STK17A: variants seen among roughly 807,000 people sequenced by gnomAD.
STK17A encodes serine/threonine-protein kinase 17A.
In STK17A, 26 loss-of-function variants were observed where a neutral mutation model predicts 43.7. The observed-to-expected ratio is 0.60, with a 90% CI of 0.44 to 0.83. STK17A has a LOEUF of 0.83. Among genes scored for constraint, STK17A ranks in the 40% least tolerant of loss-of-function variants. The pLI, the probability that STK17A is intolerant of heterozygous loss-of-function variation, is 0.00. For synonymous variants in STK17A, 191 were observed against 182.5 expected, an observed-to-expected ratio of 1.05 and a Z score of -0.38; for missense variants, 476 against 511.6, an observed-to-expected ratio of 0.93 and a Z score of 0.67.
chr7:43,583,605 C>G (rs1200002434), intron 1 of STK17A, among the ~76,000 whole-genome samples, 156 bp downstream of exon 1: 2 of 152,186 alleles, frequency 1.3e-5, no homozygotes, highest in East Asian at 3.9e-4. Flanking sequence ...GTGCCGACGG[C>G]AAGTAGGGCA....
intron 1 of STK17A, among the ~76,000 whole-genome samples, chr7:43,592,985 T>C (rs1195247284): frequency 1.3e-5 from 2 of 152,226 alleles, no homozygotes; most frequent in African/African-American, 4.8e-5. Context: ...ATGGATATAT[T>C]GGGTCATGGT....
rs949511666 is a variant in STK17A at position 43,624,969 on chromosome 7, C to T, written c.*127C>T. The stretch of plus-strand genomic sequence containing the variant: ...GTATCACTTACACAAACAAAAATAA[C>T]TTTGTCAAATTTGTGGAGTTAGGTG... On this transcript the variant is annotated 3_prime_UTR_variant, in exon 7 of 7. Coordinates refer to ENST00000319357, the MANE Select transcript of STK17A (RefSeq NM_004760.3). 1.3e-5 allele frequency: 12 copies of T among 915,790 alleles called. No individual in the cohort carries two copies. In the Admixed American group the frequency reaches 1.4e-4, roughly 10 times the overall value. The allele number at this position is 915,790 out of a possible 1,614,324, so 56.7% of individuals were successfully genotyped here.
intron 4 of STK17A, among the ~76,000 whole-genome samples, chr7:43,620,110 G>T (rs903194471): frequency 1.3e-5 from 2 of 152,190 alleles, no homozygotes; most frequent in African/African-American, 4.8e-5. Context: ...AGGCTCCATA[G>T]AAGTGTGGAG....
chr7:43,617,409 G>A (rs2083453014), intron 3 of STK17A, among the ~76,000 whole-genome samples: 1 of 152,200 alleles, frequency 6.6e-6, no homozygotes, highest in Non-Finnish European at 1.5e-5. Flanking sequence ...TAGATGGAGA[G>A]AAATAGGCAA....
intron 3 of STK17A, among the ~76,000 whole-genome samples, chr7:43,611,073 C>T (rs1434398115): frequency 2.0e-5 from 3 of 152,110 alleles, no homozygotes; most frequent in East Asian, 1.9e-4. Context: ...GCCGAGATTG[C>T]GCCACTGCAC....
In STK17A at chr7:43,608,580, CAT is replaced by C. The variant is rs1238226259; in HGVS notation, c.564+181_564+182del. The C allele has an allele frequency of 1.0e-4, 60 of 590,096 alleles. 1 individual carries two copies. Among genetic ancestry groups the C allele is most frequent in the East Asian group, 8.0e-4 (26 of 32,610 alleles). 36.6% of individuals were successfully genotyped at this position (590,096 alleles called of 1,614,324 possible). On this transcript the variant is annotated intron_variant, in intron 3 of 6. Transcript: ENST00000319357. Reference sequence around the variant, plus strand: ...AGTTTTATCAGGGAGATAATGCACACATGTGTACATGGAAAGATACAAAATAA... The same window carrying C: ...AGTTTTATCAGGGAGATAATGCACACGTGTACATGGAAAGATACAAAATAA...
chr7:43,583,272 G>T lies in STK17A; in HGVS notation c.29G>T (p.Gly10Val), dbSNP rs775932894. MIPLEKPGS[G>V]GSSPGATSGS... ...ATCCCTTTGGAGAAGCCAGGCAGCG[G>T]CGGCTCCTCCCCAGGCGCCACCTCA... Residue 10 changes from glycine (G) to valine (V), a missense_variant, in exon 1 of 7, where the codon GGC (glycine) becomes GTC (valine). Around this residue, in one of 3 missense-constraint regions of STK17A, gnomAD observed 320 missense variants for 326.3 expected, o/e 0.98. Transcript: ENST00000319357. The T allele has an allele frequency of 7.1e-6, 11 of 1,545,248 alleles. No homozygotes were observed. The African/African-American group carries it at 1.3e-4, about 18-fold the overall frequency.
rs56286238 is a variant in STK17A, at chr7:43,596,072, A to C, written c.378A>C (p.Glu126Asp). ...ATCCTTGGGTCATTAATTTACATGA[A>C]GTTTATGAGACTGCATCAGAAATGA... ...QDNPWVINLH[E>D]VYETASEMIL... Residue 126 changes from glutamate (E) to aspartate (D), a missense_variant, in exon 2 of 7, where the codon GAA becomes GAC. Glu to Asp is a conservative substitution (Grantham distance 45). Transcript: ENST00000319357. 1.6e-3 allele frequency: 2,505 copies of C among 1,613,126 alleles called. 53 individuals are homozygous for C. The East Asian group carries it at 0.041, about 26-fold the overall frequency.
intron 1 of STK17A, among the ~76,000 whole-genome samples, chr7:43,584,660 T>C (rs1379683764): frequency 2.6e-5 from 4 of 152,120 alleles, no homozygotes; most frequent in African/African-American, 9.7e-5. Context: ...CTTTTGGAAA[T>C]AGTTTTTTTT....
intron 3 of STK17A, chr7:43,609,182 CCTT>C (rs1458131658): frequency 2.0e-5 from 3 of 152,186 alleles, no homozygotes; most frequent in Admixed American, 1.3e-4. Context: ...TTCAGCTCTG[CCTT>C]CTTTGAATGA....
chr7:43,588,752 A>C (rs1032631816), intron 1 of STK17A, among the ~76,000 whole-genome samples: 1 of 151,288 alleles, frequency 6.6e-6, no homozygotes, highest in Admixed American at 6.6e-5. Context: ...GAATTCCTTG[A>C]ACTTGAGAGG....
chr7:43,604,464 C>G (rs2082575725), intron 2 of STK17A, among the ~76,000 whole-genome samples: 1 of 152,074 alleles, frequency 6.6e-6, no homozygotes, highest in African/African-American at 2.4e-5. Flanking sequence ...TCTACCTCAT[C>G]TCCTTCTAGT....
intron 3 of STK17A, among the ~76,000 whole-genome samples, chr7:43,617,195 C>T (rs1250660891): frequency 6.6e-6 from 1 of 152,046 alleles, no homozygotes; most frequent in Non-Finnish European, 1.5e-5. Context: ...AGAAGCTGGA[C>T]CTCAGGACAT....
rs1241452753 is a variant in STK17A, at chr7:43,626,079, TATCCTTACACACA to T, written c.*1239_*1251del. On this transcript the variant is annotated 3_prime_UTR_variant, in exon 7 of 7. Transcript: ENST00000319357. ...TGCCGAATACCTTAAAGTAACTAAT[TATCCTTACACACA>T]AAAGGCTCAGTGCATTAAATATTTG... 3 of 152,144 alleles carry T rather than the reference TATCCTTACACACA, an allele frequency of 2.0e-5. No homozygotes were observed. Among genetic ancestry groups the T allele is most frequent in the African/African-American group, 7.2e-5 (3 of 41,420 alleles). The allele number at this position is 152,144 out of a possible 1,614,324, so 9.4% of individuals were successfully genotyped here. A position where few individuals can be genotyped will look rare whatever the true frequency, so the allele number is the denominator to read the frequency against.
rs2084635688 is a variant in STK17A, at chr7:43,627,086, A to T, written c.*2244A>T. ...TCACCAAATTTATAAAGGACTAAAC[A>T]GTACTATTGAGTTTACTCGGTTTAT... On this transcript the variant is annotated 3_prime_UTR_variant, in exon 7 of 7. Transcript: ENST00000319357. Among the ~76,000 whole-genome samples, 1 of 152,244 alleles carries T rather than the reference A, an allele frequency of 6.6e-6. No individual in the cohort carries two copies. Among genetic ancestry groups the T allele is most frequent in the Non-Finnish European group, 1.5e-5 (1 of 68,038 alleles).
chr7:43,585,871 C>T (rs2082435416), intron 1 of STK17A, among the ~76,000 whole-genome samples: 1 of 151,550 alleles, frequency 6.6e-6, no homozygotes, highest in African/African-American at 2.4e-5. Flanking sequence ...AGAAAACCTG[C>T]ACAATCTCAA....
At chr7:43,601,045 A>G (rs1032241896) in intron 2 of STK17A, among the ~76,000 whole-genome samples, 2 of 152,240 alleles carry the variant, frequency 1.3e-5, no homozygotes, top group African/African-American at 4.8e-5. Flanking sequence ...CACAAAGTGG[A>G]TTACTGGGCA....
chr7:43,583,991 G>A (rs10240363), intron 1 of STK17A, among the ~76,000 whole-genome samples: 22,503 of 152,144 alleles, frequency 0.15, 1,972 homozygotes, highest in Non-Finnish European at 0.2. Context: ...TGCCGTTTTA[G>A]TTCTAAAGCA....
intron 2 of STK17A, among the ~76,000 whole-genome samples, chr7:43,603,417 T>A (rs2152971917): frequency 6.6e-6 from 1 of 152,326 alleles, no homozygotes; most frequent in Admixed American, 6.5e-5. Context: ...GCACCTGCTA[T>A]GTGCACTAGA....
Sources: allele counts gnomAD v4.1 joint callset (sites outside exome capture counted in the v4.1 genomes callset), GRCh38; gene constraint gnomAD v4.1.1; regional missense constraint gnomAD v4.1.1; transcripts MANE v1.5; gene names NCBI Gene and HGNC (gene_info 2026-07-23, HGNC 2026-07-21).